Variants in DOCK8 observed in about 807,000 individuals in gnomAD.
DOCK8 encodes the protein dedicator of cytokinesis 8.
In DOCK8, 141 loss-of-function variants were observed where a neutral mutation model predicts 245.6. The ratio of observed to expected loss-of-function variants is 0.57; its 90% confidence interval spans 0.50 to 0.66. The LOEUF (loss-of-function observed/expected upper bound fraction) is 0.66. Ranked by LOEUF, DOCK8 falls within the 30% of genes least tolerant of loss-of-function variation. The pLI, the probability that DOCK8 is intolerant of heterozygous loss-of-function variation, is 0.00. For synonymous variants in DOCK8, 1,168 were observed against 970.2 expected (o/e 1.20, Z -3.79); for missense variants, 2,965 against 2,603.4 (o/e 1.14, Z -3.02).
At chr9:325,539 T>C (rs747015112) in intron 7 of DOCK8, 132 bp from the exon 8 acceptor site, 3 of 780,520 alleles carry the variant, frequency 3.8e-6, no homozygotes, top group Non-Finnish European at 6.8e-6. Flanking sequence ...GCGATTCTCA[T>C]ATACTTGGAG....
At chr9:255,020 C>G (rs1040247686) in intron 1 of DOCK8, among the ~76,000 whole-genome samples, 1 of 152,142 alleles carries the variant, frequency 6.6e-6, no homozygotes, top group African/African-American at 2.4e-5. Context: ...GATTCCAGAA[C>G]AGGGCCTGCA....
At chr9:332,272 A>T (rs2051045772) in intron 9 of DOCK8, 126 bp from the exon 10 acceptor site, 1 of 659,622 alleles carries the variant, frequency 1.5e-6, no homozygotes, top group Non-Finnish European at 2.7e-6. Context: ...TAATAAAAAA[A>T]TATGTATCAC....
intron 46 of DOCK8, chr9:456,702 T>A (rs545496031): frequency 4.6e-5 from 7 of 152,290 alleles, no homozygotes; most frequent in Admixed American, 3.3e-4. Context: ...TTCTGTCTTT[T>A]CCTGCAATAA....
At chr9:332,732 C>A (rs1339735241) in intron 10 of DOCK8, among the ~76,000 whole-genome samples, 2 of 145,708 alleles carry the variant, frequency 1.4e-5, no homozygotes, top group Non-Finnish European at 3.0e-5. Flanking sequence ...ATCACGGCCC[C>A]CTACAACCTT....
chr9:215,329 G>A lies in DOCK8; in HGVS notation c.53+300G>A, dbSNP rs77005692. ...CGCTCCGCCCTCCAGGTTCTTACAGGTGGCCGGGTCCCAGAAGGGTGATAG... is the reference window on the plus strand; with the variant it reads ...CGCTCCGCCCTCCAGGTTCTTACAGATGGCCGGGTCCCAGAAGGGTGATAG... On this transcript the variant is annotated intron_variant, in intron 1 of 47. Transcript: ENST00000432829. 9,024 of 1,602,886 alleles carry A rather than the reference G, an allele frequency of 5.6e-3. 444 individuals carry two copies. In the African/African-American group the frequency reaches 0.11, roughly 19 times the overall value.
At chr9:333,000 T>C (rs1215683897) in intron 10 of DOCK8, among the ~76,000 whole-genome samples, 1 of 152,080 alleles carries the variant, frequency 6.6e-6, no homozygotes, top group Non-Finnish European at 1.5e-5. Flanking sequence ...AATTTTCTAA[T>C]GTTGACATAC....
At chr9:230,180 T>G (rs1423891860) in intron 1 of DOCK8, among the ~76,000 whole-genome samples, 2 of 151,826 alleles carry the variant, frequency 1.3e-5, no homozygotes, top group African/African-American at 4.8e-5. Context: ...TTGCGATAGT[T>G]TGCTGAGAAT....
chr9:291,789 G>A (rs558802650), intron 4 of DOCK8, among the ~76,000 whole-genome samples: 9 of 151,384 alleles, frequency 5.9e-5, no homozygotes, highest in South Asian at 2.1e-4. Context: ...TATGCCGGGC[G>A]CAGTGGCTCA....
rs142093178 is a variant in DOCK8, at chr9:421,012, C to A, written c.4087C>A (p.Arg1363=). The A allele has an allele frequency of 2.5e-6, 4 of 1,614,176 alleles. No individual in the cohort carries two copies. In the Admixed American group the frequency reaches 6.7e-5, roughly 27 times the overall value. ...GCAGAAGTCAAGGGATGTCAAGGCCCGGCTGGAAGAGGCTTTGCTCCGTGG... is the reference window on the plus strand; with the variant it reads ...GCAGAAGTCAAGGGATGTCAAGGCCAGGCTGGAAGAGGCTTTGCTCCGTGG... ...VLQKSRDVKA[R]LEEALLRGEG... Residue 1363 remains arginine, a synonymous_variant, in exon 32 of 48, where the codon CGG becomes AGG. Coordinates refer to ENST00000432829, the MANE Select transcript of DOCK8 (RefSeq NM_203447.4).
At chr9:394,737 A>G (rs908488566) in intron 24 of DOCK8, among the ~76,000 whole-genome samples, 1 of 152,178 alleles carries the variant, frequency 6.6e-6, no homozygotes, top group Non-Finnish European at 1.5e-5. Context: ...CTTACTTTAA[A>G]TGGGCCACAA....
At chr9:226,175 T>G (rs1018672688) in intron 1 of DOCK8, among the ~76,000 whole-genome samples, 2 of 152,082 alleles carry the variant, frequency 1.3e-5, no homozygotes, top group African/African-American at 2.4e-5. Context: ...AGAAGGTGAA[T>G]GAGGAGCAAA....
chr9:384,150 A>G (rs954871), intron 22 of DOCK8, among the ~76,000 whole-genome samples: 137,536 of 152,182 alleles, frequency 0.9, 62,285 homozygotes, highest in South Asian at 0.97. Context: ...TTTGAGGAGT[A>G]ATGGTCAAGT....
chr9:343,478 C>T (rs1245827861), intron 14 of DOCK8, among the ~76,000 whole-genome samples: 4 of 147,230 alleles, frequency 2.7e-5, no homozygotes, highest in African/African-American at 1.1e-4. Context: ...GAGTGAGACC[C>T]TATCTCTAAA....
chr9:457,691 G>GAAAT (rs1368528305), intron 46 of DOCK8, among the ~76,000 whole-genome samples: 1 of 152,162 alleles, frequency 6.6e-6, no homozygotes, highest in Non-Finnish European at 1.5e-5. Context: ...CATCAACTAT[G>GAAAT]AAATAAAGAG....
chr9:264,182 A>G (rs1221454166), intron 1 of DOCK8, among the ~76,000 whole-genome samples: 1 of 152,254 alleles, frequency 6.6e-6, no homozygotes, highest in Non-Finnish European at 1.5e-5. Flanking sequence ...CTTCATCAGC[A>G]GATGGTGATT....
At position 403,915 on chromosome 9, in the gene DOCK8, T is replaced by C. The variant is rs866108908; in HGVS notation, c.3235-1003T>C. 3.7e-3 allele frequency among the ~76,000 whole-genome samples: 297 copies of C among 81,216 alleles called. 4 individuals carry two copies. Among genetic ancestry groups the C allele is most frequent in the Middle Eastern group, 0.012 (2 of 166 alleles). 53.3% of individuals were successfully genotyped at this position (81,216 alleles called of 152,430 possible). ...CTCTATATATATATATATATATATA[T>C]ACATATATATATATGTGTATATATA... On this transcript the variant is annotated intron_variant, in intron 26 of 47. Transcript: ENST00000432829.
In DOCK8 at chr9:414,897, C is replaced by T; in HGVS notation, c.3646C>T (p.Leu1216=). The T allele has an allele frequency of 6.2e-7, 1 of 1,614,202 alleles. No homozygotes were observed. Among genetic ancestry groups the T allele is most frequent in the Non-Finnish European group, 8.5e-7 (1 of 1,180,044 alleles). The change falls in exon 29 of 48, where the codon CTA becomes TTA. Residue 1216 remains leucine, a synonymous_variant. Coordinates refer to ENST00000432829, the MANE Select transcript of DOCK8 (RefSeq NM_203447.4). ...EVKVKIAALY[L]PLVGIILDAL... ...GAAGGTCAAAATCGCCGCCCTTTAC[C>T]TACCTTTAGTTGGCATCATTTTGGA...
intron 22 of DOCK8, 111 bp from the exon 23 acceptor site, chr9:386,220 C>G (rs1196939586): frequency 3.4e-6 from 3 of 892,438 alleles, no homozygotes; most frequent in Non-Finnish European, 5.4e-6. Context: ...ACCTTTGTAA[C>G]CAGGAAAAAA....
At chr9:316,844 A>G (rs965070388) in intron 6 of DOCK8, among the ~76,000 whole-genome samples, 199 bp from the exon 7 acceptor site, 7 of 152,078 alleles carry the variant, frequency 4.6e-5, no homozygotes, top group African/African-American at 1.7e-4. Context: ...CTAAAAGGAG[A>G]AACTGTTTTG....
Sources: allele counts gnomAD v4.1 joint callset (sites outside exome capture counted in the v4.1 genomes callset), GRCh38; gene constraint gnomAD v4.1.1; transcripts MANE v1.5; gene names NCBI Gene and HGNC (gene_info 2026-07-23, HGNC 2026-07-21).